Variants in ARHGAP15 observed in about 807,000 individuals in gnomAD.
ARHGAP15 encodes Rho GTPase activating protein 15.
In ARHGAP15, 51 loss-of-function variants were observed where a neutral mutation model predicts 63.7. The ratio of observed to expected loss-of-function variants is 0.80; its 90% CI spans 0.64 to 1.01. The LOEUF is 1.01. ARHGAP15 is among the 50% of genes least tolerant of loss of function. The pLI is 0.00. For missense variants in ARHGAP15, 560 were observed against 564.6 expected (o/e 0.99, Z 0.08); for synonymous variants, 191 against 193.8 (o/e 0.99, Z 0.12).
At chr2:143,216,001 G>A (rs1445533512) in intron 3 of ARHGAP15, among the ~76,000 whole-genome samples, 5 of 152,166 alleles carry the variant, frequency 3.3e-5, no homozygotes, top group Admixed American at 1.3e-4. Flanking sequence ...GCTTCGGAAG[G>A]TACATGGGGA....
intron 6 of ARHGAP15, among the ~76,000 whole-genome samples, chr2:143,343,590 T>C (rs1685151624): frequency 1.3e-5 from 2 of 152,050 alleles, no homozygotes. Context: ...GGATAGAAAC[T>C]CGATATTTGT....
rs182092647 is a variant in ARHGAP15 at position 143,147,667 on chromosome 2, T to C, written c.-14-7810T>C. Reference sequence around the variant, plus strand: ...ATGCAATTGCACCCTAGGAACCTTTTCTTCAAATGCTTTATTTAGTTATTC... The same window carrying C: ...ATGCAATTGCACCCTAGGAACCTTTCCTTCAAATGCTTTATTTAGTTATTC... On this transcript the variant is annotated intron_variant, in intron 1 of 13. Transcript: ENST00000295095. 3.4e-4 allele frequency among the ~76,000 whole-genome samples: 51 copies of C among 152,160 alleles called. 1 individual carries two copies. The East Asian group carries it at 9.5e-3, about 28-fold the overall frequency.
intron 11 of ARHGAP15, among the ~76,000 whole-genome samples, chr2:143,558,044 T>C (rs1267036255): frequency 1.3e-5 from 2 of 152,108 alleles, no homozygotes; most frequent in Non-Finnish European, 2.9e-5. Flanking sequence ...CACTTAGGAA[T>C]GTGACAGACT....
intron 11 of ARHGAP15, among the ~76,000 whole-genome samples, chr2:143,599,148 A>G (rs1195767668): frequency 6.6e-6 from 1 of 152,132 alleles, no homozygotes; most frequent in Non-Finnish European, 1.5e-5. Context: ...AAATAGGAAC[A>G]CAAGCAATAG....
chr2:143,613,315 T>C (rs1277489602), intron 11 of ARHGAP15, among the ~76,000 whole-genome samples: 1 of 152,208 alleles, frequency 6.6e-6, no homozygotes, highest in Non-Finnish European at 1.5e-5. Flanking sequence ...TGACTTCAAA[T>C]TGGAAGATTG....
intron 6 of ARHGAP15, among the ~76,000 whole-genome samples, chr2:143,323,702 G>C (rs528145517): frequency 6.6e-6 from 1 of 151,698 alleles, no homozygotes; most frequent in Non-Finnish European, 1.5e-5. Flanking sequence ...CCGAGACCAC[G>C]GTGAAACCCT....
intron 6 of ARHGAP15, among the ~76,000 whole-genome samples, chr2:143,429,223 T>TC (rs533994350): frequency 1.2e-5 from 1 of 81,106 alleles, no homozygotes; most frequent in Non-Finnish European, 3.6e-5. Context: ...CATGAGGGTT[T>TC]TTTTTTTTTT....
At chr2:143,552,264 C>T (rs1695598734) in intron 10 of ARHGAP15, among the ~76,000 whole-genome samples, 1 of 152,132 alleles carries the variant, frequency 6.6e-6, no homozygotes, top group African/African-American at 2.4e-5. Flanking sequence ...ACCACTCAAC[C>T]AGGCTCAAAC....
intron 5 of ARHGAP15, among the ~76,000 whole-genome samples, chr2:143,249,043 C>A (rs1485871681): frequency 6.6e-6 from 1 of 152,120 alleles, no homozygotes; most frequent in Non-Finnish European, 1.5e-5. Context: ...AATCACTTGA[C>A]AAAGACTATC....
At chr2:143,577,840 G>C (rs374651484) in intron 11 of ARHGAP15, among the ~76,000 whole-genome samples, 4 of 152,052 alleles carry the variant, frequency 2.6e-5, no homozygotes, top group African/African-American at 7.2e-5. Context: ...TATAAGGAGG[G>C]GGATACTCCC....
chr2:143,161,502 C>T (rs1296706762), intron 2 of ARHGAP15, among the ~76,000 whole-genome samples: 1 of 151,884 alleles, frequency 6.6e-6, no homozygotes, highest in African/African-American at 2.4e-5. Flanking sequence ...TTTGAATTTG[C>T]TGACAACTAA....
chr2:143,250,120 T>C (rs1411946472), intron 5 of ARHGAP15, among the ~76,000 whole-genome samples: 1 of 152,090 alleles, frequency 6.6e-6, no homozygotes, highest in Non-Finnish European at 1.5e-5. Context: ...TCTTTTACTG[T>C]TAGGTCTAAA....
chr2:143,150,227 T>C (rs1194025269), intron 1 of ARHGAP15, among the ~76,000 whole-genome samples: 1 of 152,060 alleles, frequency 6.6e-6, no homozygotes, highest in Admixed American at 6.6e-5. Context: ...CTTTTAATGC[T>C]GTTGATGTGA....
chr2:143,311,010 CAT>C (rs963771617), intron 6 of ARHGAP15, among the ~76,000 whole-genome samples: 3 of 151,992 alleles, frequency 2.0e-5, no homozygotes, highest in African/African-American at 7.2e-5. Flanking sequence ...AATAGAAAAA[CAT>C]ATCTCTGGCT....
At chr2:143,327,244 T>A (rs1684294140) in intron 6 of ARHGAP15, among the ~76,000 whole-genome samples, 1 of 150,784 alleles carries the variant, frequency 6.6e-6, no homozygotes, top group Non-Finnish European at 1.5e-5. Flanking sequence ...TAAACCACTG[T>A]GAGGACACAA....
chr2:143,201,485 AT>A (rs1487223183), intron 2 of ARHGAP15, among the ~76,000 whole-genome samples: 1 of 152,050 alleles, frequency 6.6e-6, no homozygotes, highest in Non-Finnish European at 1.5e-5. Flanking sequence ...TAACCCGAGC[AT>A]TTATCATTTC....
chr2:143,190,625 A>G (rs1473436926), intron 2 of ARHGAP15, among the ~76,000 whole-genome samples: 2 of 152,232 alleles, frequency 1.3e-5, no homozygotes, highest in Non-Finnish European at 2.9e-5. Flanking sequence ...GGGAGCCGTC[A>G]GCTGACTATT....
At chr2:143,317,492 A>C (rs1558887776) in intron 6 of ARHGAP15, among the ~76,000 whole-genome samples, 1 of 152,228 alleles carries the variant, frequency 6.6e-6, no homozygotes, top group East Asian at 1.9e-4. Flanking sequence ...AGAAGAAAGA[A>C]GACTTGTTTT....
chr2:143,140,037 G>C (rs568288135), intron 1 of ARHGAP15, among the ~76,000 whole-genome samples: 5 of 152,168 alleles, frequency 3.3e-5, no homozygotes, highest in Non-Finnish European at 7.3e-5. Flanking sequence ...AAACGCGGTG[G>C]TAAGAGTAGC....
Sources: gnomAD v4.1 joint callset for allele counts (sites outside exome capture counted in the v4.1 genomes callset) on GRCh38, gnomAD v4.1.1 for gene constraint, MANE v1.5 for transcripts, NCBI Gene and HGNC (gene_info 2026-07-23, HGNC 2026-07-21) for gene names.